The following RBFOX1 variants were observed in gnomAD, a reference collection of about 807,000 sequenced individuals.
The protein encoded by RBFOX1 is RNA binding fox-1 homolog 1.
RBFOX1 carries 8 observed loss-of-function variants against 57.7 expected under a neutral mutation model. The ratio of observed to expected loss-of-function variants is 0.14; its 90% CI spans 0.08 to 0.25. RBFOX1 has a LOEUF of 0.25. Ranked by LOEUF, RBFOX1 falls within the 10% of genes least tolerant of loss-of-function variation. RBFOX1 has a pLI of 1.00. For missense variants in RBFOX1, 611 were observed against 548.5 expected, an observed-to-expected ratio of 1.11 and a Z score of -1.14; for synonymous variants, 326 against 222.4, an observed-to-expected ratio of 1.47 and a Z score of -4.15.
At chr16:5,771,231 G>A (rs780156662) in intron 3 of RBFOX1, among the ~76,000 whole-genome samples, 2 of 152,200 alleles carry the variant, frequency 1.3e-5, no homozygotes, top group Non-Finnish European at 2.9e-5. Flanking sequence ...CGCTAGGTGC[G>A]ACCTAGGTTG....
intron 3 of RBFOX1, among the ~76,000 whole-genome samples, chr16:6,891,465 TAGAG>T (rs746798605): frequency 8.8e-5 from 13 of 148,466 alleles, no homozygotes; most frequent in East Asian, 2.0e-4. Context: ...ACACACACAC[TAGAG>T]AGAGAGAGAG....
intron 4 of RBFOX1, among the ~76,000 whole-genome samples, chr16:7,455,028 C>A (rs766319144): frequency 1.3e-5 from 2 of 152,170 alleles, no homozygotes; most frequent in East Asian, 3.9e-4. Flanking sequence ...TTTGTTCAAA[C>A]ACAATAGGGC....
chr16:6,685,666 T>C (rs542115745), intron 3 of RBFOX1, among the ~76,000 whole-genome samples: 7 of 152,074 alleles, frequency 4.6e-5, no homozygotes, highest in Non-Finnish European at 7.4e-5. Context: ...CCATACTTAT[T>C]GTAGAACATT....
At chr16:6,965,044 C>T (rs143432744) in intron 3 of RBFOX1, among the ~76,000 whole-genome samples, 3,050 of 152,150 alleles carry the variant, frequency 0.02, 57 homozygotes, top group Middle Eastern at 0.031. Context: ...TCTAGGTTCT[C>T]CTCCTTCCCT....
chr16:5,717,995 T>C (rs984536037), intron 3 of RBFOX1, among the ~76,000 whole-genome samples: 3 of 152,226 alleles, frequency 2.0e-5, no homozygotes, highest in African/African-American at 7.2e-5. Context: ...ATCTACACTT[T>C]CTCATGACCT....
At chr16:7,058,299 A>C (rs2053114826) in intron 4 of RBFOX1, among the ~76,000 whole-genome samples, 2 of 152,208 alleles carry the variant, frequency 1.3e-5, no homozygotes, top group Admixed American at 1.3e-4. Context: ...TATCTTTAGC[A>C]GGGCTGTAAC....
At chr16:6,953,310 T>G (rs2081137275) in intron 3 of RBFOX1, among the ~76,000 whole-genome samples, 1 of 152,106 alleles carries the variant, frequency 6.6e-6, no homozygotes, top group East Asian at 1.9e-4. Flanking sequence ...AAACAGAAGA[T>G]TTATGGAGTC....
chr16:5,632,075 A>G (rs973263972), intron 3 of RBFOX1, among the ~76,000 whole-genome samples: 96 of 152,368 alleles, frequency 6.3e-4, no homozygotes, highest in African/African-American at 2.1e-3. Flanking sequence ...CAAGGAGGGC[A>G]CAGAGGTACC....
At chr16:6,925,251 A>T (rs1197789465) in intron 3 of RBFOX1, among the ~76,000 whole-genome samples, 1 of 147,656 alleles carries the variant, frequency 6.8e-6, no homozygotes, top group Non-Finnish European at 1.5e-5. Flanking sequence ...GTCGTACCTC[A>T]GTCTCCCAAG....
chr16:7,672,249 G>T (rs1035096762), intron 13 of RBFOX1, among the ~76,000 whole-genome samples: 3 of 152,168 alleles, frequency 2.0e-5, no homozygotes, highest in African/African-American at 4.8e-5. Context: ...TTGGAATGTG[G>T]CTGGCCTAGA....
intron 2 of RBFOX1, among the ~76,000 whole-genome samples, chr16:6,347,972 A>T (rs2085662224): frequency 6.6e-6 from 1 of 152,210 alleles, no homozygotes; most frequent in Admixed American, 6.5e-5. Context: ...GAATACAAGA[A>T]AGCAGGAAAA....
At chr16:5,315,092 G>A (rs1409904340) in intron 1 of RBFOX1, among the ~76,000 whole-genome samples, 2 of 152,112 alleles carry the variant, frequency 1.3e-5, no homozygotes, top group East Asian at 3.9e-4. Flanking sequence ...TAGTTCTGGA[G>A]CCTTATGAAT....
rs995808013 is a variant in RBFOX1 at position 6,892,989 on chromosome 16, A to C, written c.-15-159068A>C. ...TGATCTAGTTTTACTTTTAATTGCAAAAACTACAATTACTTTTCATTGCAA... is the reference window on the plus strand; with the variant it reads ...TGATCTAGTTTTACTTTTAATTGCACAAACTACAATTACTTTTCATTGCAA... On this transcript the variant is annotated intron_variant, in intron 3 of 15. Transcript: ENST00000550418. Among the ~76,000 whole-genome samples, 10 of 152,182 alleles carry C rather than the reference A, an allele frequency of 6.6e-5. 2 individuals are homozygous for C. Among genetic ancestry groups the C allele is most frequent in the East Asian group, 1.9e-4 (1 of 5,170 alleles).
At chr16:7,587,183 C>T in intron 6 of RBFOX1, 64 bp from the exon 7 acceptor site, 2 of 1,394,328 alleles carry the variant, frequency 1.4e-6, no homozygotes, top group East Asian at 2.6e-5. Flanking sequence ...ACAATTACTA[C>T]TGTACATAGT....
chr16:5,292,780 C>T (rs1340168792), intron 1 of RBFOX1, among the ~76,000 whole-genome samples: 6 of 151,966 alleles, frequency 3.9e-5, no homozygotes, highest in Admixed American at 2.6e-4. Flanking sequence ...TGTGTCACCA[C>T]GCCCGGCTAA....
At chr16:6,245,943 A>G (rs983266607) in intron 1 of RBFOX1, among the ~76,000 whole-genome samples, 14 of 152,132 alleles carry the variant, frequency 9.2e-5, no homozygotes, top group African/African-American at 3.1e-4. Flanking sequence ...TACTCAAACT[A>G]TTTCAGTCAA....
chr16:5,398,429 G>A (rs553236229), intron 1 of RBFOX1, among the ~76,000 whole-genome samples: 14 of 152,004 alleles, frequency 9.2e-5, no homozygotes, highest in East Asian at 1.9e-4. Context: ...CTGTAGGTAC[G>A]TGTGTATGCT....
intron 12 of RBFOX1, among the ~76,000 whole-genome samples, chr16:7,656,672 A>G (rs1031279347): frequency 6.6e-6 from 1 of 152,276 alleles, no homozygotes; most frequent in South Asian, 2.1e-4. Context: ...AGCTCACCCT[A>G]TGACTCACAC....
intron 4 of RBFOX1, among the ~76,000 whole-genome samples, chr16:7,347,922 G>A (rs554223485): frequency 1.3e-5 from 2 of 152,158 alleles, no homozygotes; most frequent in Non-Finnish European, 2.9e-5. Flanking sequence ...CTATCCTGTG[G>A]CTGACACTCA....
Sources: gnomAD v4.1 joint callset for allele counts (sites outside exome capture counted in the v4.1 genomes callset) on GRCh38, gnomAD v4.1.1 for gene constraint, MANE v1.5 for transcripts, NCBI Gene and HGNC (gene_info 2026-07-23, HGNC 2026-07-21) for gene names.